Variants in PGR observed in about 807,000 individuals in gnomAD.
The protein encoded by PGR is progesterone receptor, also known as nuclear receptor subfamily 3 group C member 3.
PGR carries 25 observed loss-of-function variants against 76.1 expected under a neutral mutation model. That is an observed-to-expected ratio of 0.33 (90% CI 0.24 to 0.46). The LOEUF is 0.46. PGR is among the 20% of genes least tolerant of loss of function. The probability of loss-of-function intolerance (pLI) is 1.00; values close to 1 mark genes in which losing one functional copy is unlikely to be tolerated. For synonymous variants in PGR, 579 were observed against 535.0 expected, an observed-to-expected ratio of 1.08 and a Z score of -1.14; for missense variants, 1,172 against 1,225.3, an observed-to-expected ratio of 0.96 and a Z score of 0.65.
intron 3 of PGR, among the ~76,000 whole-genome samples, chr11:101,083,814 G>C (rs1340900962): frequency 6.6e-6 from 1 of 152,164 alleles, no homozygotes; most frequent in Non-Finnish European, 1.5e-5. Flanking sequence ...CAAGATCATA[G>C]GTGGAAGGGA....
At chr11:101,057,530 TG>T (rs1241056262) in intron 4 of PGR, among the ~76,000 whole-genome samples, 1 of 152,112 alleles carries the variant, frequency 6.6e-6, no homozygotes, top group African/African-American at 2.4e-5. Context: ...AAAATGATTC[TG>T]GGGGTAGAAT....
intron 2 of PGR, among the ~76,000 whole-genome samples, chr11:101,106,386 A>C (rs1275590337): frequency 6.6e-6 from 1 of 152,098 alleles, no homozygotes; most frequent in Non-Finnish European, 1.5e-5. Context: ...AGGAAAAAAC[A>C]ACCTCATAAA....
intron 2 of PGR, among the ~76,000 whole-genome samples, chr11:101,118,098 T>C (rs1862565358): frequency 1.3e-5 from 2 of 152,328 alleles, no homozygotes; most frequent in South Asian, 4.1e-4. Flanking sequence ...CACTGCAGGC[T>C]CCTTGAAATC....
chr11:101,079,494 C>T (rs929155682), intron 3 of PGR, among the ~76,000 whole-genome samples: 4 of 151,260 alleles, frequency 2.6e-5, no homozygotes, highest in African/African-American at 9.7e-5. Context: ...CATACAAATG[C>T]CAACAGATAT....
chr11:101,059,377 TA>T (rs921452683), intron 4 of PGR, among the ~76,000 whole-genome samples: 1 of 152,026 alleles, frequency 6.6e-6, no homozygotes, highest in East Asian at 1.9e-4. Context: ...TCTTGTTCAT[TA>T]AAAAAATTCA....
intron 2 of PGR, among the ~76,000 whole-genome samples, chr11:101,096,546 A>G (rs961348425): frequency 2.0e-5 from 3 of 152,210 alleles, no homozygotes; most frequent in African/African-American, 7.2e-5. Context: ...CCAAGAATGC[A>G]ATGAATGCAG....
At chr11:101,124,446 C>T (rs1385207320) in intron 2 of PGR, among the ~76,000 whole-genome samples, 1 of 152,144 alleles carries the variant, frequency 6.6e-6, no homozygotes, top group Non-Finnish European at 1.5e-5. Context: ...TGTTTACTAA[C>T]AATCAGCTAC....
At position 101,084,088 on chromosome 11, in the gene PGR, T is replaced by C. The variant is rs115390349; in HGVS notation, c.1906+7672A>G. Among the ~76,000 whole-genome samples the C allele has an allele frequency of 1.0e-2, 1,520 of 152,220 alleles. 21 individuals are homozygous for C. Among genetic ancestry groups the C allele is most frequent in the African/African-American group, 0.035 (1,458 of 41,542 alleles). On this transcript the variant is annotated intron_variant, in intron 3 of 7. Transcript: ENST00000325455. ...ATGGAGGCAAATTTCCCCCATGCTG[T>C]TGTCATGATAGTGAGTGGGTTCTCC... is the stretch of plus-strand genomic sequence containing the variant.
At chr11:101,049,054 C>G (rs754749801) in intron 6 of PGR, among the ~76,000 whole-genome samples, 1 of 151,940 alleles carries the variant, frequency 6.6e-6, no homozygotes, top group Non-Finnish European at 1.5e-5. Context: ...CTTTCTTTCT[C>G]TATATCTTTA....
At chr11:101,123,882 T>C (rs1862757940) in intron 2 of PGR, among the ~76,000 whole-genome samples, 1 of 152,212 alleles carries the variant, frequency 6.6e-6, no homozygotes, top group South Asian at 2.1e-4. Flanking sequence ...ACAAGTTCCT[T>C]GAAAGTAGAA....
At chr11:101,090,214 A>G (rs984232887) in intron 3 of PGR, among the ~76,000 whole-genome samples, 1 of 151,850 alleles carries the variant, frequency 6.6e-6, no homozygotes, top group Non-Finnish European at 1.5e-5. Context: ...AAATAAATAA[A>G]GCCCTAGAAT....
At chr11:101,092,375 T>C (rs1480399194) in intron 2 of PGR, among the ~76,000 whole-genome samples, 1 of 152,184 alleles carries the variant, frequency 6.6e-6, no homozygotes, top group African/African-American at 2.4e-5. Context: ...CCAGAGCTGG[T>C]TCTCTCTTTA....
At chr11:101,124,781 C>A (rs1187724607) in intron 2 of PGR, among the ~76,000 whole-genome samples, 2 of 152,096 alleles carry the variant, frequency 1.3e-5, no homozygotes, top group Admixed American at 6.5e-5. Flanking sequence ...CTATCAGTTG[C>A]CCTATTTTCT....
Position 101,037,004 on chromosome 11 carries a change from T to C in PGR, c.*2112A>G, listed in dbSNP as rs768271140. 21 of 197,760 alleles carry C rather than the reference T, an allele frequency of 1.1e-4. 1 individual carries two copies. Among genetic ancestry groups the C allele is most frequent in the Non-Finnish European group, 1.7e-4 (16 of 95,436 alleles). 12.3% of individuals were successfully genotyped at this position (197,760 alleles called of 1,614,324 possible). ...TTTTTGGATAGACCTACATTCATTTTCTTGTGTCACACAGTTCATTCTGAG... is the reference window on the plus strand; with the variant it reads ...TTTTTGGATAGACCTACATTCATTTCCTTGTGTCACACAGTTCATTCTGAG... On this transcript the variant is annotated 3_prime_UTR_variant, in exon 8 of 8. Transcript: ENST00000325455.
chr11:101,082,027 T>A (rs574885724), intron 3 of PGR, among the ~76,000 whole-genome samples: 1 of 152,160 alleles, frequency 6.6e-6, no homozygotes, highest in Admixed American at 6.5e-5. Context: ...TGGGAGGTGA[T>A]TGGATCATGG....
chr11:101,056,212 C>T (rs1860284217), intron 4 of PGR, among the ~76,000 whole-genome samples: 1 of 145,178 alleles, frequency 6.9e-6, no homozygotes, highest in Admixed American at 7.3e-5. Context: ...TGGATTATCA[C>T]TAATTGTGTT....
Position 101,033,635 on chromosome 11 carries a change from A to G in PGR, c.*5481T>C. 5.0e-6 allele frequency: 1 copy of G among 199,580 alleles called. No individual in the cohort carries two copies. Among genetic ancestry groups the G allele is most frequent in the Non-Finnish European group, 1.0e-5 (1 of 96,664 alleles). 12.4% of individuals were successfully genotyped at this position (199,580 alleles called of 1,614,324 possible). The stretch of plus-strand genomic sequence containing the variant: ...AAAACATTAAGAAAACACAATAACT[A>G]TTTCTTAATAGAAGTACAGTTTGGT... On this transcript the variant is annotated 3_prime_UTR_variant, in exon 8 of 8. Transcript: ENST00000325455.
intron 4 of PGR, among the ~76,000 whole-genome samples, chr11:101,055,190 G>A (rs1490671283): frequency 1.3e-5 from 2 of 151,860 alleles, no homozygotes; most frequent in African/African-American, 4.8e-5. Flanking sequence ...CGAGGTGGGT[G>A]GATCACAAGG....
chr11:101,121,951 G>T (rs1862691778), intron 2 of PGR, among the ~76,000 whole-genome samples: 2 of 152,086 alleles, frequency 1.3e-5, no homozygotes, highest in African/African-American at 4.8e-5. Context: ...CGGATCATGA[G>T]GTTAGGAGAT....
Sources: allele counts gnomAD v4.1 joint callset (sites outside exome capture counted in the v4.1 genomes callset), GRCh38; gene constraint gnomAD v4.1.1; transcripts MANE v1.5; gene names NCBI Gene and HGNC (gene_info 2026-07-23, HGNC 2026-07-21).